Variants in MYT1L observed in about 807,000 individuals in gnomAD.
The protein encoded by MYT1L is myelin transcription factor 1 like, also known as myelin transcription factor 1-like protein.
In MYT1L, 12 loss-of-function variants were observed where a neutral mutation model predicts 126.7. The observed-to-expected ratio is 0.09, with a 90% CI of 0.06 to 0.15. The LOEUF is 0.15. MYT1L is among the 10% of genes least tolerant of loss of function. The pLI, the probability that MYT1L is intolerant of heterozygous loss-of-function variation, is 1.00. For missense variants in MYT1L, 979 were observed against 1,585.2 expected (o/e 0.62, Z 6.49); for synonymous variants, 541 against 604.2 (o/e 0.90, Z 1.53).
At chr2:1,861,513 T>C (rs1000050913) in intron 18 of MYT1L, among the ~76,000 whole-genome samples, 1 of 151,904 alleles carries the variant, frequency 6.6e-6, no homozygotes, top group African/African-American at 2.4e-5. Flanking sequence ...CTTTTTTTTT[T>C]TTTGTAGCCC....
intron 18 of MYT1L, among the ~76,000 whole-genome samples, chr2:1,859,810 C>T (rs1032061129): frequency 1.3e-5 from 2 of 152,234 alleles, no homozygotes; most frequent in African/African-American, 2.4e-5. Context: ...CCCTGGAGGA[C>T]GCACGCATGC....
chr2:2,073,236 A>G (rs1015943503), intron 3 of MYT1L, among the ~76,000 whole-genome samples: 3 of 150,034 alleles, frequency 2.0e-5, no homozygotes, highest in Admixed American at 1.3e-4. Context: ...CCCCTCCCTC[A>G]CTCTCATACT....
chr2:2,131,354 C>T (rs1266942249), intron 3 of MYT1L, among the ~76,000 whole-genome samples: 1 of 152,192 alleles, frequency 6.6e-6, no homozygotes, highest in Admixed American at 6.5e-5. Context: ...ATGCTTGTGG[C>T]TCCTAGTTTA....
intron 8 of MYT1L, among the ~76,000 whole-genome samples, chr2:1,975,721 G>C (rs1052538265): frequency 2.6e-5 from 4 of 152,136 alleles, no homozygotes; most frequent in African/African-American, 9.7e-5. Flanking sequence ...AAAATTAGCT[G>C]GGCGTGGTGG....
chr2:1,992,994 G>C (rs954274007), intron 5 of MYT1L, among the ~76,000 whole-genome samples: 5 of 152,086 alleles, frequency 3.3e-5, no homozygotes, highest in African/African-American at 1.2e-4. Flanking sequence ...CTGACTGAGC[G>C]CAAGAAGACA....
intron 4 of MYT1L, among the ~76,000 whole-genome samples, chr2:2,049,907 G>A (rs1407632279): frequency 1.3e-5 from 2 of 152,040 alleles, no homozygotes; most frequent in African/African-American, 4.8e-5. Context: ...CCCAGTCCCA[G>A]GCATGTCTTT....
chr2:2,118,413 A>C (rs528604521), intron 3 of MYT1L, among the ~76,000 whole-genome samples: 6 of 152,356 alleles, frequency 3.9e-5, no homozygotes, highest in African/African-American at 1.2e-4. Flanking sequence ...CACTGATATT[A>C]ATGATTTCTC....
In MYT1L at chr2:1,943,366, G is replaced by C; in HGVS notation, c.153-32C>G. On this transcript the variant is annotated intron_variant, in intron 8 of 24. Coordinates refer to ENST00000647738, the MANE Select transcript of MYT1L (RefSeq NM_001303052.2). The surrounding 1 kb of genome is among the most constrained non-coding windows in gnomAD (Gnocchi z 4.4). Reference sequence around the variant, plus strand: ...AAAAAAATAGAGAAGGCAGGGGAGAGAGAGAAAAAAAATATCTGTGTTACT... The same window carrying C: ...AAAAAAATAGAGAAGGCAGGGGAGACAGAGAAAAAAAATATCTGTGTTACT... The C allele has an allele frequency of 6.7e-7, 1 of 1,495,974 alleles. No homozygotes were observed. The highest frequency in any genetic ancestry group is 1.4e-5 in the South Asian group (1 of 72,416). The allele number at this position is 1,495,974 out of a possible 1,614,324, so 92.7% of individuals were successfully genotyped here. A position where few individuals can be genotyped will look rare whatever the true frequency, so the allele number is the denominator to read the frequency against.
chr2:1,935,480 G>A (rs1417745689), intron 9 of MYT1L, among the ~76,000 whole-genome samples: 11 of 152,210 alleles, frequency 7.2e-5, no homozygotes, highest in Admixed American at 2.6e-4. Context: ...ATGGGTGGGA[G>A]CATAATATCA....
chr2:2,189,920 A>AC (rs531796314), intron 2 of MYT1L, among the ~76,000 whole-genome samples: 176 of 150,320 alleles, frequency 1.2e-3, no homozygotes, highest in African/African-American at 4.0e-3. Context: ...CGTTCTCAGG[A>AC]CGCACGGGGA....
intron 4 of MYT1L, among the ~76,000 whole-genome samples, chr2:2,001,237 C>CTTTTTTTTTTTTTTTGTTTTTTTTTTT (rs2062354356): frequency 9.6e-6 from 1 of 103,910 alleles, no homozygotes; most frequent in African/African-American, 3.8e-5. Context: ...TTGGTTTTAG[C>CTTTTTTTTTTTTTTTGTTTTTTTTTTT]TTTTTTTTTT....
chr2:2,262,932 A>ATATATATATATATAT lies in MYT1L; in HGVS notation c.-421+21471_-421+21472insATATATATATATATA, dbSNP rs1553610292. Among the ~76,000 whole-genome samples the ATATATATATATATAT allele has an allele frequency of 3.4e-3, 140 of 41,074 alleles. 23 individuals are homozygous for ATATATATATATATAT. The highest frequency in any genetic ancestry group is 0.012 in the African/African-American group (109 of 9,370). 26.9% of individuals were successfully genotyped at this position (41,074 alleles called of 152,430 possible). ...GAGGCACAAATATATATATATATAT[A>ATATATATATATATAT]ACCTGTGATATATATATATATATCA... is the stretch of plus-strand genomic sequence containing the variant. On this transcript the variant is annotated intron_variant, in intron 2 of 24. Coordinates refer to ENST00000647738, the MANE Select transcript of MYT1L (RefSeq NM_001303052.2).
intron 2 of MYT1L, among the ~76,000 whole-genome samples, chr2:2,222,547 G>T (rs1347700450): frequency 1.3e-5 from 2 of 151,926 alleles, no homozygotes; most frequent in African/African-American, 4.8e-5. Context: ...AATTGTGAAT[G>T]ATTTTGAACA....
At chr2:1,941,396 C>T (rs1230342704) in intron 9 of MYT1L, among the ~76,000 whole-genome samples, 1 of 152,226 alleles carries the variant, frequency 6.6e-6, no homozygotes, top group Non-Finnish European at 1.5e-5. Flanking sequence ...TCAGCCTCCA[C>T]AATTAATGAG....
At chr2:1,955,955 T>A (rs952439337) in intron 8 of MYT1L, among the ~76,000 whole-genome samples, 1 of 152,236 alleles carries the variant, frequency 6.6e-6, no homozygotes, top group Non-Finnish European at 1.5e-5. Flanking sequence ...GTTGTATATT[T>A]AATAGAGCTT....
At chr2:2,141,259 G>GTTAC (rs753853650) in intron 3 of MYT1L, among the ~76,000 whole-genome samples, 3 of 152,188 alleles carry the variant, frequency 2.0e-5, no homozygotes, top group Non-Finnish European at 4.4e-5. Context: ...GGATCCCACA[G>GTTAC]GTAAACCCTT....
chr2:2,233,966 G>A lies in MYT1L; in HGVS notation c.-421+50438C>T, dbSNP rs895222777. Among the ~76,000 whole-genome samples the A allele has an allele frequency of 5.3e-5, 8 of 152,206 alleles. No homozygotes were observed. The South Asian group carries it at 6.2e-4, about 12-fold the overall frequency. On this transcript the variant is annotated intron_variant, in intron 2 of 24. Coordinates refer to ENST00000647738, the MANE Select transcript of MYT1L (RefSeq NM_001303052.2). The stretch of plus-strand genomic sequence containing the variant: ...CATGGCAGGATTGCGGGTATACCTG[G>A]CACTGATCTTATAACCAGGCTTGTA...
At chr2:2,115,628 G>T (rs2080106132) in intron 3 of MYT1L, among the ~76,000 whole-genome samples, 1 of 152,224 alleles carries the variant, frequency 6.6e-6, no homozygotes. Flanking sequence ...CACGTGCCAG[G>T]GCCTGGGTGA....
At chr2:2,055,797 C>G (rs1203899455) in intron 3 of MYT1L, among the ~76,000 whole-genome samples, 1 of 152,208 alleles carries the variant, frequency 6.6e-6, no homozygotes, top group East Asian at 1.9e-4. Flanking sequence ...CGTTAATTTA[C>G]ACAATGACTT....
Sources: allele counts gnomAD v4.1 joint callset (sites outside exome capture counted in the v4.1 genomes callset), GRCh38; gene constraint gnomAD v4.1.1; non-coding constraint Gnocchi (gnomAD v3.1); transcripts MANE v1.5; gene names NCBI Gene and HGNC (gene_info 2026-07-23, HGNC 2026-07-21).